The following MAPK4 variants were observed in gnomAD, a reference collection of about 807,000 sequenced individuals.
The protein encoded by MAPK4 is mitogen-activated protein kinase 4.
A neutral mutation model predicts 47.7 loss-of-function variants in MAPK4; 22 were observed. The observed-to-expected ratio is 0.46, with a 90% confidence interval of 0.33 to 0.66. The LOEUF (loss-of-function observed/expected upper bound fraction) is 0.66, where lower values mean the gene tolerates loss of function less well. MAPK4 is among the 30% of genes least tolerant of loss of function. The probability of loss-of-function intolerance (pLI) is 0.02; values close to 1 mark genes in which losing one functional copy is unlikely to be tolerated. For missense variants in MAPK4, 736 were observed against 831.7 expected, an observed-to-expected ratio of 0.88 and a Z score of 1.42; for synonymous variants, 390 against 365.7, an observed-to-expected ratio of 1.07 and a Z score of -0.76.
intron 1 of MAPK4, among the ~76,000 whole-genome samples, chr18:50,572,080 A>G (rs1489687402): frequency 6.6e-6 from 1 of 152,218 alleles, no homozygotes; most frequent in Non-Finnish European, 1.5e-5. Context: ...AGCTTTCCAG[A>G]TCAGAGGTGA....
intron 2 of MAPK4, among the ~76,000 whole-genome samples, chr18:50,665,568 GC>G (rs1165848696): frequency 6.6e-6 from 1 of 152,190 alleles, no homozygotes; most frequent in Non-Finnish European, 1.5e-5. Flanking sequence ...GTCTCCCTGA[GC>G]CCCATTCCTC....
chr18:50,576,571 A>G (rs1042036408), intron 1 of MAPK4, among the ~76,000 whole-genome samples: 1 of 152,164 alleles, frequency 6.6e-6, no homozygotes, highest in African/African-American at 2.4e-5. Flanking sequence ...TAATCTGTAC[A>G]CCAAACTTCT....
In MAPK4 at chr18:50,677,348, A is replaced by G. The variant is rs79970238; in HGVS notation, c.546+12844A>G. Among the ~76,000 whole-genome samples the G allele has an allele frequency of 3.1e-4, 47 of 152,346 alleles. No individual in the cohort carries two copies. The East Asian group carries it at 8.3e-3, about 27-fold the overall frequency. ...CCAAAAATATGTAAAATGAACATTC[A>G]TGGTTTTATCACAGTAACCTTTTCA... is the stretch of plus-strand genomic sequence containing the variant. On this transcript the variant is annotated intron_variant, in intron 2 of 5. Transcript: ENST00000400384.
At chr18:50,691,073 A>T (rs1265939229) in intron 2 of MAPK4, among the ~76,000 whole-genome samples, 1 of 151,898 alleles carries the variant, frequency 6.6e-6, no homozygotes, top group Non-Finnish European at 1.5e-5. Flanking sequence ...GCTCACTGCA[A>T]CCTCCGCCTC....
chr18:50,723,418 A>G (rs1911031625), intron 4 of MAPK4, among the ~76,000 whole-genome samples: 1 of 152,220 alleles, frequency 6.6e-6, no homozygotes, highest in Non-Finnish European at 1.5e-5. Flanking sequence ...GAAGGGTGCC[A>G]GGATGGATGT....
intron 1 of MAPK4, among the ~76,000 whole-genome samples, chr18:50,590,740 G>T (rs1328744820): frequency 6.6e-6 from 1 of 152,184 alleles, no homozygotes; most frequent in East Asian, 1.9e-4. Flanking sequence ...GAGACAGAGG[G>T]ACAATGCATT....
In MAPK4 at chr18:50,678,325, A is replaced by C. The variant is rs995327069; in HGVS notation, c.546+13821A>C. On this transcript the variant is annotated intron_variant, in intron 2 of 5. Coordinates refer to ENST00000400384, the MANE Select transcript of MAPK4 (RefSeq NM_002747.4). This position sits in a 1 kb window ranked among gnomAD's most constrained non-coding sequence, Gnocchi z 4.2. Reference sequence around the variant, plus strand: ...GAATACAGAGCCCCCTTAAATGTTGACACATTTGCAATTTGGCCAAAGCCT... The same window carrying C: ...GAATACAGAGCCCCCTTAAATGTTGCCACATTTGCAATTTGGCCAAAGCCT... Among the ~76,000 whole-genome samples the C allele has an allele frequency of 6.6e-6, 1 of 152,218 alleles. No individual in the cohort carries two copies. Among genetic ancestry groups the C allele is most frequent in the African/African-American group, 2.4e-5 (1 of 41,464 alleles).
At chr18:50,596,166 G>T (rs547889065) in intron 1 of MAPK4, among the ~76,000 whole-genome samples, 2 of 152,086 alleles carry the variant, frequency 1.3e-5, no homozygotes, top group Non-Finnish European at 2.9e-5. Context: ...ATTGTCATCC[G>T]CATTTTCTCC....
At chr18:50,708,030 A>G (rs1452481718) in intron 2 of MAPK4, among the ~76,000 whole-genome samples, 1 of 152,208 alleles carries the variant, frequency 6.6e-6, no homozygotes, top group African/African-American at 2.4e-5. Context: ...TGCGTAATAG[A>G]ACGTGCCAGA....
At chr18:50,685,540 G>A (rs1908827607) in intron 2 of MAPK4, among the ~76,000 whole-genome samples, 1 of 152,206 alleles carries the variant, frequency 6.6e-6, no homozygotes, top group South Asian at 2.1e-4. Flanking sequence ...TGAATGTGCA[G>A]TGCATGTGGG....
chr18:50,730,884 A>C lies in MAPK4; in HGVS notation c.*1030A>C, dbSNP rs1409640122. 6.6e-6 allele frequency: 1 copy of C among 151,926 alleles called. No homozygotes were observed. Among genetic ancestry groups the C allele is most frequent in the Non-Finnish European group, 1.5e-5 (1 of 68,006 alleles). The allele number at this position is 151,926 out of a possible 1,614,324, so 9.4% of individuals were successfully genotyped here. Reference sequence around the variant, plus strand: ...CTAATGTTCTCTACATGAACTGCTCATTTGGAGGACAGCAGTGAGGTCCTG... The same window carrying C: ...CTAATGTTCTCTACATGAACTGCTCCTTTGGAGGACAGCAGTGAGGTCCTG... On this transcript the variant is annotated 3_prime_UTR_variant, in exon 6 of 6. Coordinates refer to ENST00000400384, the MANE Select transcript of MAPK4 (RefSeq NM_002747.4).
At chr18:50,673,171 G>A (rs1181918200) in intron 2 of MAPK4, among the ~76,000 whole-genome samples, 1 of 152,196 alleles carries the variant, frequency 6.6e-6, no homozygotes, top group Admixed American at 6.5e-5. Flanking sequence ...CAGCTACTTG[G>A]GAGGCTGAGC....
chr18:50,712,824 C>G (rs764747618), intron 2 of MAPK4, among the ~76,000 whole-genome samples: 2 of 152,186 alleles, frequency 1.3e-5, no homozygotes, highest in Non-Finnish European at 2.9e-5. Context: ...GGTACTCTTG[C>G]TTTAGTCTTT....
Position 50,729,235 on chromosome 18 carries a change from C to T in MAPK4, c.1145C>T (p.Pro382Leu), listed in dbSNP as rs1331946854. The T allele has an allele frequency of 6.2e-7, 1 of 1,607,948 alleles. No individual in the cohort carries two copies. The highest frequency in any genetic ancestry group is 2.2e-5 in the East Asian group (1 of 44,694). Residue 382 changes from proline (P) to leucine (L), a missense_variant, in exon 6 of 6, where the codon CCG (proline) becomes CTG (leucine). Physicochemically the swap from Pro to Leu is moderately conservative, Grantham distance 98 (BLOSUM62 -3). Around this residue, in one of 3 missense-constraint regions of MAPK4, gnomAD observed 377 missense variants for 378.6 expected, o/e 1.00. Coordinates refer to ENST00000400384, the MANE Select transcript of MAPK4 (RefSeq NM_002747.4). Reference protein sequence around the residue: ...CQDASEVQRDPRAGSAPLAED... With the variant: ...CQDASEVQRDLRAGSAPLAED... The stretch of plus-strand genomic sequence containing the variant: ...GACGCCAGCGAGGTACAGCGCGACC[C>T]GCGCGCGGGTTCGGCGCCACTGGCT...
At chr18:50,634,538 T>G (rs1361504832) in intron 1 of MAPK4, among the ~76,000 whole-genome samples, 4 of 152,178 alleles carry the variant, frequency 2.6e-5, no homozygotes, top group African/African-American at 7.2e-5. Flanking sequence ...TCTGTCATAT[T>G]TGACTTACAT....
At chr18:50,620,235 TAGG>T (rs1422947028) in intron 1 of MAPK4, among the ~76,000 whole-genome samples, 1 of 152,196 alleles carries the variant, frequency 6.6e-6, no homozygotes. Context: ...GGAAGTGTTA[TAGG>T]AGAAGAGCAA....
chr18:50,625,882 G>GCACACACACACACA (rs58870306), intron 1 of MAPK4, among the ~76,000 whole-genome samples: 2 of 145,342 alleles, frequency 1.4e-5, no homozygotes, highest in African/African-American at 5.2e-5. Context: ...GTGTGTGTAT[G>GCACACACACACACA]CACACACACA....
At chr18:50,640,062 C>T (rs2042925037) in intron 1 of MAPK4, among the ~76,000 whole-genome samples, 1 of 152,220 alleles carries the variant, frequency 6.6e-6, no homozygotes, top group Admixed American at 6.5e-5. Context: ...ATATTCATCT[C>T]AGGAACTGTG....
At chr18:50,626,720 C>T (rs186023015) in intron 1 of MAPK4, among the ~76,000 whole-genome samples, 90 of 152,306 alleles carry the variant, frequency 5.9e-4, no homozygotes, top group African/African-American at 2.0e-3. Flanking sequence ...CACAAGGTGT[C>T]TCCAGCAGAT....
Sources: allele counts gnomAD v4.1 joint callset (sites outside exome capture counted in the v4.1 genomes callset), GRCh38; gene constraint gnomAD v4.1.1; regional missense constraint gnomAD v4.1.1; non-coding constraint Gnocchi (gnomAD v3.1); transcripts MANE v1.5; gene names NCBI Gene and HGNC (gene_info 2026-07-23, HGNC 2026-07-21).